Variants in JAK2 observed in about 807,000 individuals in gnomAD.
JAK2 encodes Janus kinase 2.
In JAK2, 86 loss-of-function variants were observed where a neutral mutation model predicts 139.3. The observed-to-expected ratio is 0.62, with a 90% CI of 0.52 to 0.74. JAK2 has a LOEUF of 0.74. JAK2 is among the 30% of genes least tolerant of loss of function. The pLI, the probability that JAK2 is intolerant of heterozygous loss-of-function variation, is 0.00. For missense variants in JAK2, 1,421 were observed against 1,360.3 expected, an observed-to-expected ratio of 1.04 and a Z score of -0.70; for synonymous variants, 490 against 437.7, an observed-to-expected ratio of 1.12 and a Z score of -1.49.
In JAK2 at chr9:5,129,498, A is replaced by C. The variant is rs914875651; in HGVS notation, c.*2707A>C. Among the ~76,000 whole-genome samples, 2 of 152,126 alleles carry C rather than the reference A, an allele frequency of 1.3e-5. No individual in the cohort carries two copies. The highest frequency in any genetic ancestry group is 2.9e-5 in the Non-Finnish European group (2 of 67,980). ...TCATGAAAGTTTCTCTAATATTTCT[A>C]ATGAAAGTTTCTCTAATTTGGGGGC... On this transcript the variant is annotated 3_prime_UTR_variant, in exon 25 of 25. Transcript: ENST00000381652.
At chr9:5,008,577 A>G (rs982896294) in intron 2 of JAK2, among the ~76,000 whole-genome samples, 1 of 152,206 alleles carries the variant, frequency 6.6e-6, no homozygotes, top group African/African-American at 2.4e-5. Context: ...ACCAATCTGA[A>G]TGCATGTGTT....
chr9:5,056,244 C>G (rs1446667245), intron 8 of JAK2, among the ~76,000 whole-genome samples: 4 of 152,066 alleles, frequency 2.6e-5, no homozygotes, highest in Non-Finnish European at 5.9e-5. Flanking sequence ...AGCTGTAGGA[C>G]ATGGTTGATT....
At chr9:5,085,577 G>C in intron 19 of JAK2, 3 of 692,742 alleles carry the variant, frequency 4.3e-6, no homozygotes, top group Non-Finnish European at 8.1e-6. Context: ...TTTCCAGTTT[G>C]TGCCCCACCT....
chr9:4,989,419 G>T (rs1161777529), intron 2 of JAK2, among the ~76,000 whole-genome samples: 2 of 151,882 alleles, frequency 1.3e-5, no homozygotes, highest in Non-Finnish European at 2.9e-5. Context: ...CAAGTTGATT[G>T]TGTATTCTTT....
chr9:5,054,911 CT>C lies in JAK2; in HGVS notation c.936+30del, dbSNP rs1817659719. 6.8e-7 allele frequency: 1 copy of C among 1,467,968 alleles called. No homozygotes were observed. The highest frequency in any genetic ancestry group is 1.4e-5 in the African/African-American group (1 of 70,092). The allele number at this position is 1,467,968 out of a possible 1,614,324, so 90.9% of individuals were successfully genotyped here. ...TAATCCTTAATGATATGTTCTTGTT[CT>C]TTGTTATTTTAAGTACAATGGAAAT... On this transcript the variant is annotated intron_variant, in intron 7 of 24. Transcript: ENST00000381652. The surrounding 1 kb of genome is among the most constrained non-coding windows in gnomAD (Gnocchi z 4.9).
In JAK2 at chr9:5,077,615, T is replaced by C. The variant is rs41298194; in HGVS notation, c.1992+35T>C. The C allele has an allele frequency of 5.4e-3, 7,247 of 1,334,706 alleles. 22 individuals carry two copies. Among genetic ancestry groups the C allele is most frequent in the Non-Finnish European group, 6.3e-3 (6,322 of 1,001,182 alleles). 82.7% of individuals were successfully genotyped at this position (1,334,706 alleles called of 1,614,324 possible). On this transcript the variant is annotated intron_variant, in intron 15 of 24. Coordinates refer to ENST00000381652, the MANE Select transcript of JAK2 (RefSeq NM_004972.4). ...ACAACCTTTTTATCAAAAGATACTA[T>C]TTTATTTTATAAAACAATATACAAA...
chr9:5,113,056 G>A (rs993449355), intron 22 of JAK2, among the ~76,000 whole-genome samples: 1 of 152,108 alleles, frequency 6.6e-6, no homozygotes, highest in African/African-American at 2.4e-5. Flanking sequence ...GGGTCCAGGA[G>A]CTCCCTGGGA....
rs1246158378 is a variant in JAK2 at position 5,128,233 on chromosome 9, ATT to A, written c.*1445_*1446del. 8.7e-6 allele frequency: 2 copies of A among 230,928 alleles called. No homozygotes were observed. Among genetic ancestry groups the A allele is most frequent in the Non-Finnish European group, 1.7e-5 (2 of 116,646 alleles). 14.3% of individuals were successfully genotyped at this position (230,928 alleles called of 1,614,324 possible). A position where few individuals can be genotyped will look rare whatever the true frequency, so the allele number is the denominator to read the frequency against. ...TTGAAAGTTGTACTGAAGACTTCTG[ATT>A]TTGGGTTGAAGGGAAGGAAAAGGAA... On this transcript the variant is annotated 3_prime_UTR_variant, in exon 25 of 25. Transcript: ENST00000381652.
chr9:5,108,968 C>T (rs1377806647), intron 22 of JAK2: 1 of 152,086 alleles, frequency 6.6e-6, no homozygotes, highest in African/African-American at 2.4e-5. Context: ...CCTTCAAATA[C>T]TCCTCCCACT....
At chr9:5,031,736 A>C (rs969655240) in intron 4 of JAK2, among the ~76,000 whole-genome samples, 1 of 152,234 alleles carries the variant, frequency 6.6e-6, no homozygotes, top group African/African-American at 2.4e-5. Flanking sequence ...AAAATTTTCA[A>C]ATGTCTGAAG....
At chr9:5,040,393 G>GC (rs1816393839) in intron 4 of JAK2, among the ~76,000 whole-genome samples, 1 of 152,004 alleles carries the variant, frequency 6.6e-6, no homozygotes, top group African/African-American at 2.4e-5. Flanking sequence ...CTTAGATTAG[G>GC]CAGTGGTTTC....
chr9:5,088,802 C>T (rs1820326101), intron 19 of JAK2, among the ~76,000 whole-genome samples: 1 of 152,184 alleles, frequency 6.6e-6, no homozygotes, highest in African/African-American at 2.4e-5. Flanking sequence ...GTCTCTTCCT[C>T]TTATAAGGGC....
intron 8 of JAK2, among the ~76,000 whole-genome samples, chr9:5,061,538 G>C (rs1818170780): frequency 1.3e-5 from 2 of 152,166 alleles, no homozygotes; most frequent in Non-Finnish European, 2.9e-5. Flanking sequence ...CTTTTCTTCT[G>C]CAGCTTCCTC....
At chr9:5,040,229 C>T (rs1295754517) in intron 4 of JAK2, among the ~76,000 whole-genome samples, 12 of 151,584 alleles carry the variant, frequency 7.9e-5, no homozygotes, top group South Asian at 2.1e-4. Flanking sequence ...ACTAACAGTG[C>T]GGGGACAACT....
intron 22 of JAK2, among the ~76,000 whole-genome samples, chr9:5,103,687 C>T (rs115377836): frequency 2.9e-3 from 442 of 152,186 alleles, no homozygotes; most frequent in African/African-American, 0.01. Flanking sequence ...TCTCACCAAA[C>T]GTAAAAGAAC....
chr9:5,022,214 G>A lies in JAK2; in HGVS notation c.226+1G>A. On this transcript the variant is annotated splice_donor_variant, in intron 3 of 24. Transcript: ENST00000381652. LOFTEE classifies it high-confidence loss of function. ...TGTATTGCTGCTTCTAAAGCTTGTG[G>A]TAAGTATTAAAAAACAGCATTTTCC... 1.2e-6 allele frequency: 2 copies of A among 1,609,348 alleles called. No homozygotes were observed. Among genetic ancestry groups the A allele is most frequent in the Non-Finnish European group, 1.7e-6 (2 of 1,175,998 alleles).
At position 5,078,316 on chromosome 9, in the gene JAK2, C is replaced by T. The variant is rs2130589788; in HGVS notation, c.2003C>T (p.Thr668Ile). ...GTTTAACTCTAATAGGAAGAAAACA[C>T]CCTTATTCATGGGAATGTATGTGCC... ...AWAMHFLEEN[T>I]LIHGNVCAKN... The change falls in exon 16 of 25, where the codon ACC becomes ATC. Residue 668 changes from threonine (T) to isoleucine (I), a missense_variant. Physicochemically the swap from Thr to Ile is moderately conservative, Grantham distance 89 (BLOSUM62 -1). Transcript: ENST00000381652. 1.2e-6 allele frequency: 2 copies of T among 1,611,506 alleles called. No individual in the cohort carries two copies. The highest frequency in any genetic ancestry group is 1.7e-6 in the Non-Finnish European group (2 of 1,178,272).
intron 22 of JAK2, chr9:5,111,047 G>C (rs1270054448): frequency 2.8e-5 from 28 of 984,878 alleles, no homozygotes; most frequent in Non-Finnish European, 4.1e-5. Flanking sequence ...GCGCAATTCA[G>C]AGGTTCAGGT....
chr9:5,069,184 A>C lies in JAK2; in HGVS notation c.1489A>C (p.Lys497Gln). 6.2e-7 allele frequency: 1 copy of C among 1,607,756 alleles called. No homozygotes were observed. Among genetic ancestry groups the C allele is most frequent in the East Asian group, 2.2e-5 (1 of 44,702 alleles). ...RSDNIIFQFT[K>Q]CCPPKPKDKS... ...AGACAATATAATTTTCCAGTTTACT[A>C]AATGCTGTCCCCCAAAGCCAAAAGG... Residue 497 changes from lysine to glutamine, a missense_variant, in exon 11 of 25, where the codon AAA becomes CAA. Lys to Gln is a moderately conservative substitution (Grantham distance 53). Transcript: ENST00000381652.
Sources: gnomAD v4.1 joint callset for allele counts (sites outside exome capture counted in the v4.1 genomes callset) on GRCh38, gnomAD v4.1.1 for gene constraint, Gnocchi (gnomAD v3.1) non-coding constraint, MANE v1.5 for transcripts, NCBI Gene and HGNC (gene_info 2026-07-23, HGNC 2026-07-21) for gene names.